SEMA5B: variants seen among roughly 807,000 people sequenced by gnomAD.
SEMA5B encodes the protein semaphorin 5B.
In SEMA5B, 66 loss-of-function variants were observed where a neutral mutation model predicts 135.0. That is an observed-to-expected ratio of 0.49 (90% CI 0.40 to 0.60). The LOEUF (loss-of-function observed/expected upper bound fraction) is 0.60, where lower values mean the gene tolerates loss of function less well. Ranked by LOEUF, SEMA5B falls within the 20% of genes least tolerant of loss-of-function variation. The pLI is 0.00. For synonymous variants in SEMA5B, 690 were observed against 639.5 expected, an observed-to-expected ratio of 1.08 and a Z score of -1.19; for missense variants, 1,501 against 1,566.3, an observed-to-expected ratio of 0.96 and a Z score of 0.70.
chr3:122,913,811 G>A (rs374646257), intron 15 of SEMA5B, 47 bp downstream of exon 15: 13 of 1,566,204 alleles, frequency 8.3e-6, no homozygotes, highest in Non-Finnish European at 1.1e-5. Flanking sequence ...CACTTTCTGG[G>A]GGGCCCGGTT....
chr3:122,966,508 C>A lies in SEMA5B; in HGVS notation c.-38-5207G>T, dbSNP rs1009886092. 6.6e-5 allele frequency among the ~76,000 whole-genome samples: 10 copies of A among 151,626 alleles called. No individual in the cohort carries two copies. In the East Asian group the frequency reaches 1.2e-3, roughly 18 times the overall value. On this transcript the variant is annotated intron_variant, in intron 1 of 22. Coordinates refer to ENST00000357599, the MANE Select transcript of SEMA5B (RefSeq NM_001031702.4). ...CAGTTTTGTGTGATGGGAGTGCCAACTCAGCATGGAAATTCATTGTAAGAA... is the reference window on the plus strand; with the variant it reads ...CAGTTTTGTGTGATGGGAGTGCCAAATCAGCATGGAAATTCATTGTAAGAA...
chr3:122,932,423 G>A (rs765634283), intron 5 of SEMA5B, among the ~76,000 whole-genome samples: 43 of 151,856 alleles, frequency 2.8e-4, no homozygotes, highest in South Asian at 1.3e-3. Flanking sequence ...ACATTTCCCA[G>A]GCATTCGGGC....
intron 5 of SEMA5B, among the ~76,000 whole-genome samples, chr3:122,935,270 T>C (rs1939204648): frequency 2.6e-5 from 4 of 151,690 alleles, no homozygotes; most frequent in Admixed American, 2.6e-4. Context: ...AGTCATTGAG[T>C]TTTTCCAGCA....
At chr3:122,932,518 C>A (rs1403873681) in intron 5 of SEMA5B, among the ~76,000 whole-genome samples, 2 of 152,016 alleles carry the variant, frequency 1.3e-5, no homozygotes. Context: ...TCTCGCTGGG[C>A]AAAGGTCCAA....
intron 1 of SEMA5B, among the ~76,000 whole-genome samples, chr3:122,992,013 C>T (rs377020569): frequency 8.6e-5 from 13 of 152,044 alleles, no homozygotes; most frequent in African/African-American, 3.1e-4. Flanking sequence ...TCCTTATTCC[C>T]GGAGGCAGCC....
At position 122,977,280 on chromosome 3, in the gene SEMA5B, G is replaced by A. The variant is rs113324308; in HGVS notation, c.-38-15979C>T. 1.5e-3 allele frequency among the ~76,000 whole-genome samples: 227 copies of A among 152,346 alleles called. 1 individual carries two copies. Among genetic ancestry groups the A allele is most frequent in the African/African-American group, 5.0e-3 (206 of 41,576 alleles). Reference sequence around the variant, plus strand: ...TTAACAGAAAGTAATCCCTGACTCCGTGCTGGAGGAGGAAGGTGTCCAGAG... The same window carrying A: ...TTAACAGAAAGTAATCCCTGACTCCATGCTGGAGGAGGAAGGTGTCCAGAG... On this transcript the variant is annotated intron_variant, in intron 1 of 22. Coordinates refer to ENST00000357599, the MANE Select transcript of SEMA5B (RefSeq NM_001031702.4).
At chr3:122,992,848 C>G (rs946613762) in intron 1 of SEMA5B, 1 of 151,788 alleles carries the variant, frequency 6.6e-6, no homozygotes, top group African/African-American at 2.4e-5. Flanking sequence ...GAAGCAGTCT[C>G]GGGGAAGCCA....
intron 1 of SEMA5B, chr3:122,976,158 T>A: frequency 6.5e-7 from 1 of 1,533,672 alleles, no homozygotes; most frequent in Middle Eastern, 1.7e-4. Context: ...CCTCACCCTG[T>A]GTTGGGCTGT....
chr3:122,919,156 G>A (rs780104958), intron 12 of SEMA5B, among the ~76,000 whole-genome samples: 7 of 152,102 alleles, frequency 4.6e-5, no homozygotes, highest in Non-Finnish European at 8.8e-5. Flanking sequence ...AGTGGGAGCT[G>A]TCCAGGGTGG....
At position 122,914,359 on chromosome 3, in the gene SEMA5B, T is replaced by C. The variant is rs1937950730; in HGVS notation, c.1989-358A>G. Reference sequence around the variant, plus strand: ...CCTCCCTTTCAGCCTTCCTGGCTGGTCCCAATCCTTGCACTGTAACCAACA... The same window carrying C: ...CCTCCCTTTCAGCCTTCCTGGCTGGCCCCAATCCTTGCACTGTAACCAACA... On this transcript the variant is annotated intron_variant, in intron 14 of 22. Transcript: ENST00000357599. Among the ~76,000 whole-genome samples, 3 of 152,150 alleles carry C rather than the reference T, an allele frequency of 2.0e-5. No individual in the cohort carries two copies. The South Asian group carries it at 6.2e-4, about 32-fold the overall frequency.
At chr3:123,025,526 A>T (rs1942778161) in intron 1 of SEMA5B, among the ~76,000 whole-genome samples, 1 of 152,184 alleles carries the variant, frequency 6.6e-6, no homozygotes, top group South Asian at 2.1e-4. Flanking sequence ...CACGGTGATG[A>T]TTATGGTCGC....
At chr3:123,019,631 C>T (rs532279102) in intron 1 of SEMA5B, among the ~76,000 whole-genome samples, 2 of 152,126 alleles carry the variant, frequency 1.3e-5, no homozygotes, top group South Asian at 4.2e-4. Flanking sequence ...ACATAAGGCA[C>T]CTGAGGATTA....
chr3:122,920,161 C>T (rs187997336), intron 12 of SEMA5B, among the ~76,000 whole-genome samples: 1 of 152,210 alleles, frequency 6.6e-6, no homozygotes, highest in Non-Finnish European at 1.5e-5. Context: ...CCAGTGCCCA[C>T]AGCCACAGGA....
chr3:123,026,737 C>T (rs997103218), intron 1 of SEMA5B, among the ~76,000 whole-genome samples: 4 of 152,230 alleles, frequency 2.6e-5, no homozygotes, highest in Non-Finnish European at 4.4e-5. Context: ...GCAGCCCCAA[C>T]CACAAAGACA....
rs550910807 is a variant in SEMA5B at position 123,004,403 on chromosome 3, C to T, written c.-39+23061G>A. Among the ~76,000 whole-genome samples the T allele has an allele frequency of 3.9e-5, 6 of 152,348 alleles. No individual in the cohort carries two copies. The East Asian group carries it at 5.8e-4, about 15-fold the overall frequency. ...TGGCGTAAGCAAATTGTCCCATACA[C>T]CCCACTGAATCAGAGCCCAGTCCAT... On this transcript the variant is annotated intron_variant, in intron 1 of 22. Coordinates refer to ENST00000357599, the MANE Select transcript of SEMA5B (RefSeq NM_001031702.4).
chr3:122,927,836 A>C lies in SEMA5B; in HGVS notation c.804T>G (p.Ser268Arg). ...RDPAIYRSLG[S>R]GPPLRTAQYN... ...ATTGGGCAGTGCGAAGCGGTGGCCCACTGCCCAGGCTGCGGTAGATGGCAG... is the reference window on the plus strand; with the variant it reads ...ATTGGGCAGTGCGAAGCGGTGGCCCCCTGCCCAGGCTGCGGTAGATGGCAG... The change falls in exon 8 of 23, where the codon AGT becomes AGG. Residue 268 changes from serine to arginine, a missense_variant. Coordinates refer to ENST00000357599, the MANE Select transcript of SEMA5B (RefSeq NM_001031702.4). 1.9e-6 allele frequency: 3 copies of C among 1,569,316 alleles called. No individual in the cohort carries two copies. Among genetic ancestry groups the C allele is most frequent in the Non-Finnish European group, 2.6e-6 (3 of 1,156,298 alleles).
chr3:122,997,561 G>C (rs1383523266), intron 1 of SEMA5B, among the ~76,000 whole-genome samples: 1 of 151,994 alleles, frequency 6.6e-6, no homozygotes, highest in Non-Finnish European at 1.5e-5. Context: ...GCCGTGGGAG[G>C]CCAAGAGGGG....
intron 1 of SEMA5B, among the ~76,000 whole-genome samples, chr3:123,019,623 A>G (rs1317059254): frequency 1.3e-5 from 2 of 152,188 alleles, no homozygotes; most frequent in African/African-American, 4.8e-5. Context: ...AAATGTGTAC[A>G]TAAGGCACCT....
At chr3:122,972,036 T>C (rs1941143743) in intron 1 of SEMA5B, among the ~76,000 whole-genome samples, 1 of 152,248 alleles carries the variant, frequency 6.6e-6, no homozygotes, top group Admixed American at 6.5e-5. Flanking sequence ...ATGGATCCGC[T>C]GATCGATCCA....
Sources: allele counts gnomAD v4.1 joint callset (sites outside exome capture counted in the v4.1 genomes callset), GRCh38; gene constraint gnomAD v4.1.1; transcripts MANE v1.5; gene names NCBI Gene and HGNC (gene_info 2026-07-23, HGNC 2026-07-21).